The following CNTN4 variants were observed in gnomAD, a reference collection of about 807,000 sequenced individuals.
CNTN4 encodes contactin-4.
A neutral mutation model predicts 122.5 loss-of-function variants in CNTN4; 77 were observed. The observed-to-expected ratio is 0.63, with a 90% confidence interval of 0.52 to 0.76. The LOEUF is 0.76. Among genes scored for constraint, CNTN4 ranks in the 30% least tolerant of loss-of-function variants. The pLI is 0.00. For synonymous variants in CNTN4, 512 were observed against 447.0 expected (o/e 1.15, Z -1.83); for missense variants, 1,256 against 1,259.1 (o/e 1.00, Z 0.04).
At chr3:2,488,454 G>A (rs2076225601) in intron 3 of CNTN4, among the ~76,000 whole-genome samples, 1 of 152,030 alleles carries the variant, frequency 6.6e-6, no homozygotes, top group African/African-American at 2.4e-5. Flanking sequence ...GTGAGTGTTG[G>A]GGGGTGTGTG....
intron 13 of CNTN4, among the ~76,000 whole-genome samples, chr3:2,941,256 C>G (rs1216913394): frequency 6.6e-6 from 1 of 152,154 alleles, no homozygotes; most frequent in Non-Finnish European, 1.5e-5. Context: ...GCATCTTCCT[C>G]ATCCACTTTG....
intron 4 of CNTN4, among the ~76,000 whole-genome samples, chr3:2,641,822 C>A (rs2082907791): frequency 6.6e-6 from 1 of 152,158 alleles, no homozygotes; most frequent in Non-Finnish European, 1.5e-5. Context: ...TCTATGATAG[C>A]CTGTATTGAC....
chr3:2,912,401 A>C (rs1450784658), intron 12 of CNTN4, among the ~76,000 whole-genome samples: 2 of 152,234 alleles, frequency 1.3e-5, no homozygotes, highest in African/African-American at 2.4e-5. Flanking sequence ...GAATGAGTTT[A>C]TCACCACTAG....
intron 2 of CNTN4, among the ~76,000 whole-genome samples, chr3:2,295,975 A>G (rs2042296658): frequency 1.3e-5 from 2 of 152,256 alleles, no homozygotes; most frequent in Middle Eastern, 3.4e-3. Flanking sequence ...TTTGTCAAAG[A>G]TCAGATAGTT....
intron 2 of CNTN4, among the ~76,000 whole-genome samples, chr3:2,244,736 A>G (rs1336103163): frequency 6.6e-6 from 1 of 152,040 alleles, no homozygotes; most frequent in East Asian, 1.9e-4. Context: ...ATAAAAGGAA[A>G]GGTTAAATAA....
intron 6 of CNTN4, among the ~76,000 whole-genome samples, chr3:2,776,647 T>C (rs966802934): frequency 7.2e-5 from 11 of 152,194 alleles, no homozygotes; most frequent in African/African-American, 2.7e-4. Flanking sequence ...AGGGACTGTG[T>C]CTTCCTCCTC....
chr3:2,767,251 G>C (rs747015193), intron 6 of CNTN4, among the ~76,000 whole-genome samples: 22 of 152,254 alleles, frequency 1.4e-4, no homozygotes, highest in Middle Eastern at 3.4e-3. Context: ...TTTCCTTTTG[G>C]AAGTGATATT....
At position 2,385,576 on chromosome 3, in the gene CNTN4, G is replaced by A. The variant is rs144237657; in HGVS notation, c.-89+46343G>A. 3.4e-4 allele frequency among the ~76,000 whole-genome samples: 51 copies of A among 152,188 alleles called. No individual in the cohort carries two copies. Among genetic ancestry groups the A allele is most frequent in the African/African-American group, 4.6e-4 (19 of 41,544 alleles). On this transcript the variant is annotated intron_variant, in intron 3 of 24. Transcript: ENST00000418658. The surrounding 1 kb of genome is among the most constrained non-coding windows in gnomAD (Gnocchi z 4.0). ...TCAGGTGTTGGTAGGGCTGTGCTCC[G>A]TCTGTAACCTCTAGGGGAGGGTCGC...
intron 14 of CNTN4, among the ~76,000 whole-genome samples, chr3:2,989,725 G>C (rs1022869670): frequency 6.6e-6 from 1 of 152,144 alleles, no homozygotes; most frequent in Non-Finnish European, 1.5e-5. Flanking sequence ...CTGACTGCTT[G>C]TTCACTCTGT....
At chr3:2,858,839 C>T (rs371452245) in intron 7 of CNTN4, among the ~76,000 whole-genome samples, 7 of 152,186 alleles carry the variant, frequency 4.6e-5, no homozygotes, top group South Asian at 4.2e-4. Context: ...TTTTAAAATT[C>T]GTATACATTA....
intron 6 of CNTN4, among the ~76,000 whole-genome samples, chr3:2,806,656 G>T (rs1422550527): frequency 6.6e-6 from 1 of 152,140 alleles, no homozygotes; most frequent in Non-Finnish European, 1.5e-5. Context: ...TTAACTTTTA[G>T]ATATAAGGTG....
chr3:2,915,871 A>G (rs2094348088), intron 12 of CNTN4, among the ~76,000 whole-genome samples: 1 of 152,238 alleles, frequency 6.6e-6, no homozygotes, highest in Non-Finnish European at 1.5e-5. Flanking sequence ...TATTTCTGTT[A>G]TGTATTACAA....
rs553431117 is a variant in CNTN4, at chr3:2,334,256, C to A, written c.-144-4922C>A. Among the ~76,000 whole-genome samples, 3 of 152,292 alleles carry A rather than the reference C, an allele frequency of 2.0e-5. No individual in the cohort carries two copies. In the East Asian group the frequency reaches 5.8e-4, roughly 29 times the overall value. ...CATTGCAACCTCTGCCTCCCAGGTT[C>A]AAGCGATTCTCCTGCCTCAGCCTCC... On this transcript the variant is annotated intron_variant, in intron 2 of 24. Transcript: ENST00000418658.
intron 3 of CNTN4, among the ~76,000 whole-genome samples, chr3:2,355,609 T>C (rs2044840140): frequency 6.6e-6 from 1 of 152,242 alleles, no homozygotes; most frequent in East Asian, 1.9e-4. Flanking sequence ...TGCGCCCTCC[T>C]CCAACCCCTG....
At chr3:2,214,313 G>A (rs2038743281) in intron 2 of CNTN4, among the ~76,000 whole-genome samples, 1 of 152,058 alleles carries the variant, frequency 6.6e-6, no homozygotes, top group South Asian at 2.1e-4. Context: ...GCAGTGGGGG[G>A]TTTGTCTCTC....
At chr3:2,957,784 G>GA (rs397722853) in intron 13 of CNTN4, among the ~76,000 whole-genome samples, 9 of 318 alleles carry the variant, frequency 0.028, no homozygotes, top group African/African-American at 0.098. Context: ...TCTTTTATAT[G>GA]CCGCATAGTA....
At chr3:2,682,165 A>C (rs997304963) in intron 4 of CNTN4, among the ~76,000 whole-genome samples, 6 of 152,238 alleles carry the variant, frequency 3.9e-5, no homozygotes, top group Non-Finnish European at 7.3e-5. Flanking sequence ...TGTTGTCTAC[A>C]GATACTGAGA....
At chr3:2,114,639 C>G (rs1308785218) in intron 2 of CNTN4, among the ~76,000 whole-genome samples, 1 of 152,032 alleles carries the variant, frequency 6.6e-6, no homozygotes, top group African/African-American at 2.4e-5. Context: ...AATGTTATCC[C>G]CAGAGTTGGA....
chr3:2,291,634 T>TA (rs199905869), intron 2 of CNTN4, among the ~76,000 whole-genome samples: 9,667 of 152,176 alleles, frequency 0.064, 336 homozygotes, highest in Non-Finnish European at 0.074. Context: ...CTGAAGTCCT[T>TA]ATGATAAAGT....
Sources: allele counts gnomAD v4.1 joint callset (sites outside exome capture counted in the v4.1 genomes callset), GRCh38; gene constraint gnomAD v4.1.1; non-coding constraint Gnocchi (gnomAD v3.1); transcripts MANE v1.5; gene names NCBI Gene and HGNC (gene_info 2026-07-23, HGNC 2026-07-21).